The following PDZD4 variants were observed in gnomAD, a reference collection of about 807,000 sequenced individuals.
PDZD4 encodes PDZ domain containing 4, also known as PDZ domain-containing protein 4.
A neutral mutation model predicts 38.5 loss-of-function variants in PDZD4; 9 were observed. That is an observed-to-expected ratio of 0.23 (90% confidence interval 0.14 to 0.41). The LOEUF (loss-of-function observed/expected upper bound fraction) is 0.41. Among genes scored for constraint, PDZD4 ranks in the 10% least tolerant of loss-of-function variants. PDZD4 has a pLI of 1.00. For missense variants in PDZD4, 612 were observed against 722.0 expected (o/e 0.85, Z 1.75); for synonymous variants, 349 against 315.7 (o/e 1.11, Z -1.12).
Position 153,803,804 on chromosome X carries a change from G to C in PDZD4, c.1877C>G (p.Pro626Arg). The change falls in exon 8 of 8, where the codon CCG (proline) becomes CGG (arginine). Residue 626 changes from proline to arginine, a missense_variant. This residue lies in a region of PDZD4 where 300 missense variants were observed against 284.6 expected (regional missense o/e 1.05). Transcript: ENST00000393758. ...GGVAAAATEA[P>R]RMEWKVKVRS... ...CACCTTCACTTTCCACTCCATGCGC[G>C]GTGCTTCAGTGGCCGCGGCCGCCAC... 6 of 1,202,305 alleles carry C rather than the reference G, an allele frequency of 5.0e-6. No homozygotes were observed. Among genetic ancestry groups the C allele is most frequent in the Non-Finnish European group, 6.7e-6 (6 of 892,037 alleles).
chrX:153,803,325 G>A lies in PDZD4; in HGVS notation c.*28C>T. 3 of 1,115,215 alleles carry A rather than the reference G, an allele frequency of 2.7e-6. No homozygotes were observed. Among genetic ancestry groups the A allele is most frequent in the Non-Finnish European group, 2.3e-6 (2 of 852,652 alleles). The allele number at this position is 1,115,215 out of a possible 1,213,427, so 91.9% of individuals were successfully genotyped here. ...GCCGGGGCCCCAGGGGGTTCCCTGG[G>A]CCTGGGCCGTGTACCCGCCCGGGCA... On this transcript the variant is annotated 3_prime_UTR_variant, in exon 8 of 8. Transcript: ENST00000393758.
At chrX:153,818,106 C>T (rs782515929) in intron 1 of PDZD4, among the ~76,000 whole-genome samples, 3 of 111,542 alleles carry the variant, frequency 2.7e-5, no homozygotes, top group Non-Finnish European at 5.7e-5. Context: ...ATTAGCAGGG[C>T]GTGGTGGCAG....
chrX:153,816,842 G>A (rs1464570732), intron 1 of PDZD4, among the ~76,000 whole-genome samples: 3 of 111,926 alleles, frequency 2.7e-5, no homozygotes, highest in African/African-American at 9.8e-5. Context: ...GACCACAGAT[G>A]ATGGTGGCAT....
Position 153,806,059 on chromosome X carries a change from G to A in PDZD4, c.567+12C>T. 8.3e-7 allele frequency: 1 copy of A among 1,211,363 alleles called. No individual in the cohort carries two copies. Among genetic ancestry groups the A allele is most frequent in the South Asian group, 1.8e-5 (1 of 57,053 alleles). On this transcript the variant is annotated intron_variant, in intron 5 of 7. Coordinates refer to ENST00000393758, the MANE Select transcript of PDZD4 (RefSeq NM_001303512.2). ...GGGCCTTGGGCCAGGCCTGCAGCCT[G>A]CAAGTGCTCACCTGGATGATGCGGT...
At chrX:153,825,309 T>G (rs886881728) in intron 1 of PDZD4, among the ~76,000 whole-genome samples, 111 of 112,191 alleles carry the variant, frequency 9.9e-4, no homozygotes, top group African/African-American at 3.5e-3. Context: ...ATCTCCGGCG[T>G]GCTCGGATGC....
At chrX:153,813,598 C>T (rs1242644117) in intron 1 of PDZD4, among the ~76,000 whole-genome samples, 1 of 112,530 alleles carries the variant, frequency 8.9e-6, no homozygotes, top group Non-Finnish European at 1.9e-5. Flanking sequence ...GTGGAAAACA[C>T]GGCAGAGAGG....
intron 1 of PDZD4, among the ~76,000 whole-genome samples, chrX:153,814,905 C>T (rs1278480069): frequency 8.9e-6 from 1 of 112,297 alleles, no homozygotes; most frequent in Non-Finnish European, 1.9e-5. Context: ...TTCACAAAGA[C>T]CCCTCCTCCA....
Position 153,806,111 on chromosome X carries a change from G to A in PDZD4, c.527C>T (p.Ala176Val). The A allele has an allele frequency of 1.7e-6, 2 of 1,211,809 alleles. No individual in the cohort carries two copies. Among genetic ancestry groups the A allele is most frequent in the Non-Finnish European group, 2.2e-6 (2 of 895,450 alleles). ...VGEVNPNSIA[A>V]KDGRIREGDR... ...TCCCTCACGGATCCGGCCGTCTTTGGCTGCAATGCTGTTGGGATTTACCTG... is the reference window on the plus strand; with the variant it reads ...TCCCTCACGGATCCGGCCGTCTTTGACTGCAATGCTGTTGGGATTTACCTG... Residue 176 changes from alanine (A) to valine (V), a missense_variant, in exon 5 of 8, where the codon GCC becomes GTC. Coordinates refer to ENST00000393758, the MANE Select transcript of PDZD4 (RefSeq NM_001303512.2).
At chrX:153,806,617 C>G in intron 4 of PDZD4, 125 bp downstream of exon 4, 1 of 587,842 alleles carries the variant, frequency 1.7e-6, no homozygotes, top group African/African-American at 2.2e-5. Context: ...ACCATCATCG[C>G]CTCACCACGC....
intron 2 of PDZD4, 107 bp from the exon 3 acceptor site, chrX:153,807,476 G>T: frequency 1.2e-6 from 1 of 823,318 alleles, no homozygotes; most frequent in Non-Finnish European, 1.7e-6. Flanking sequence ...GGCCTGCTCT[G>T]CTTGTGCTCT....
chrX:153,807,215 G>T, intron 3 of PDZD4, 64 bp downstream of exon 3: 3 of 1,102,238 alleles, frequency 2.7e-6, no homozygotes, highest in Non-Finnish European at 3.7e-6. Flanking sequence ...GGGCAGGAAG[G>T]CACACAGGCG....
At chrX:153,826,170 T>C (rs1304572366) in intron 1 of PDZD4, among the ~76,000 whole-genome samples, 2 of 101,917 alleles carry the variant, frequency 2.0e-5, no homozygotes, top group African/African-American at 7.2e-5. Flanking sequence ...TGAGCCGAGA[T>C]TGCACCACTG....
At chrX:153,812,947 G>T (rs1473174030) in intron 1 of PDZD4, among the ~76,000 whole-genome samples, 1 of 109,242 alleles carries the variant, frequency 9.2e-6, no homozygotes, top group Non-Finnish European at 1.9e-5. Flanking sequence ...CCAACCCCAG[G>T]CTTGCTTCCC....
At chrX:153,806,266 A>C in intron 4 of PDZD4, 133 bp from the exon 5 acceptor site, 2 of 622,066 alleles carry the variant, frequency 3.2e-6, no homozygotes, top group Non-Finnish European at 5.3e-6. Flanking sequence ...AGCCCCAGGA[A>C]GCAGAGGCAG....
At position 153,825,495 on chromosome X, in the gene PDZD4, C is replaced by G. The variant is rs147254766; in HGVS notation, c.60+4744G>C. On this transcript the variant is annotated intron_variant, in intron 1 of 7. Transcript: ENST00000393758. Reference sequence around the variant, plus strand: ...TTTCCTGCCTTCCATTCTGGGCAACCAGCCTGCTTCCTTTTCCTAACTCAA... The same window carrying G: ...TTTCCTGCCTTCCATTCTGGGCAACGAGCCTGCTTCCTTTTCCTAACTCAA... Among the ~76,000 whole-genome samples, 8 of 112,445 alleles carry G rather than the reference C, an allele frequency of 7.1e-5. No individual in the cohort carries two copies. The East Asian group carries it at 2.2e-3, about 31-fold the overall frequency.
chrX:153,803,777 C>A lies in PDZD4; in HGVS notation c.1904G>T (p.Arg635Leu). 1 of 1,207,794 alleles carries A rather than the reference C, an allele frequency of 8.3e-7. No individual in the cohort carries two copies. Residue 635 changes from arginine (R) to leucine (L), a missense_variant, in exon 8 of 8, where the codon CGC becomes CTC. Physicochemically the swap from Arg to Leu is moderately radical, Grantham distance 102. Transcript: ENST00000393758. ...APRMEWKVKV[R>L]SDGTRYVAKR... is the part of the protein sequence containing the mutation. ...GGCCACGTAGCGGGTTCCGTCGCTG[C>A]GCACCTTCACTTTCCACTCCATGCG... is the stretch of plus-strand genomic sequence containing the variant.
chrX:153,815,939 G>A (rs1557079820), intron 1 of PDZD4, among the ~76,000 whole-genome samples: 1 of 98,862 alleles, frequency 1.0e-5, no homozygotes, highest in African/African-American at 3.8e-5. Flanking sequence ...CCGAGCTGTG[G>A]CCCCTGATCT....
chrX:153,804,524 G>C lies in PDZD4; in HGVS notation c.1157C>G (p.Ala386Gly). The stretch of plus-strand genomic sequence containing the variant: ...GTCCAGGGCGCTGTTGCCTCCGGAG[G>C]CCCGGGGAAAGAGGAGGCCCAGCTG... ...GNQLGLLFPRASGGNSALDVN... is the reference protein window; with the variant it reads ...GNQLGLLFPRGSGGNSALDVN... Residue 386 changes from alanine (A) to glycine (G), a missense_variant, in exon 8 of 8, where the codon GCC (alanine) becomes GGC (glycine). Ala to Gly is a moderately conservative substitution (Grantham distance 60). Coordinates refer to ENST00000393758, the MANE Select transcript of PDZD4 (RefSeq NM_001303512.2). 5.0e-6 allele frequency: 6 copies of C among 1,209,962 alleles called. No homozygotes were observed. Among genetic ancestry groups the C allele is most frequent in the Non-Finnish European group, 6.7e-6 (6 of 895,367 alleles).
intron 5 of PDZD4, among the ~76,000 whole-genome samples, 174 bp downstream of exon 5, chrX:153,805,897 G>A (rs1234936990): frequency 4.5e-5 from 5 of 112,080 alleles, no homozygotes; most frequent in Admixed American, 9.4e-5. Context: ...GGGAGCCACT[G>A]GGGTGAGTGG....
Sources: allele counts gnomAD v4.1 joint callset (sites outside exome capture counted in the v4.1 genomes callset), GRCh38; gene constraint gnomAD v4.1.1; regional missense constraint gnomAD v4.1.1; transcripts MANE v1.5; gene names NCBI Gene and HGNC (gene_info 2026-07-23, HGNC 2026-07-21).